DDX39A: variants seen among roughly 807,000 people sequenced by gnomAD.
The protein encoded by DDX39A is ATP-dependent RNA helicase DDX39A.
DDX39A carries 13 observed loss-of-function variants against 46.3 expected under a neutral mutation model. That is an observed-to-expected ratio of 0.28 (90% CI 0.18 to 0.45). The LOEUF (loss-of-function observed/expected upper bound fraction) is 0.45, where lower values mean the gene tolerates loss of function less well. Among genes scored for constraint, DDX39A ranks in the 20% least tolerant of loss-of-function variants. The pLI, the probability that DDX39A is intolerant of heterozygous loss-of-function variation, is 1.00. For synonymous variants in DDX39A, 234 were observed against 224.6 expected (o/e 1.04, Z -0.38); for missense variants, 352 against 581.8 (o/e 0.61, Z 4.06).
chr19:14,418,856 C>T (rs1008084282), intron 1 of DDX39A: 5 of 454,762 alleles, frequency 1.1e-5, no homozygotes, highest in Non-Finnish European at 2.2e-5. Context: ...GATCAAGTCC[C>T]TCGGACCCAA....
chr19:14,410,393 CCCAGA>C lies in DDX39A; in HGVS notation c.614-64_614-60del, dbSNP rs1171424162. On this transcript the variant is annotated intron_variant, in intron 5 of 10. Transcript: ENST00000242776. This position sits in a 1 kb window ranked among gnomAD's most constrained non-coding sequence, Gnocchi z 4.3. ...AGCGTCTGCCATGCAGGACCCCCAC[CCCAGA>C]CCAGACCCAGACCCCTCCCAACCTG... 7 of 1,474,282 alleles carry C rather than the reference CCCAGA, an allele frequency of 4.7e-6. No homozygotes were observed. The East Asian group carries it at 1.6e-4, about 33-fold the overall frequency. The allele number at this position is 1,474,282 out of a possible 1,614,324, so 91.3% of individuals were successfully genotyped here.
intron 1 of DDX39A, among the ~76,000 whole-genome samples, chr19:14,413,665 G>A (rs1976684993): frequency 6.6e-6 from 1 of 152,124 alleles, no homozygotes. Flanking sequence ...TTCTCCACAC[G>A]CAAGCCTCAG....
intron 1 of DDX39A, among the ~76,000 whole-genome samples, chr19:14,418,643 G>A (rs769637003): frequency 7.2e-5 from 11 of 151,782 alleles, no homozygotes; most frequent in Non-Finnish European, 1.3e-4. Context: ...TGTATTTTGA[G>A]TAGAGACGAG....
In DDX39A at chr19:14,412,421, TG is replaced by T; in HGVS notation, c.336+129del. 1 of 1,330,898 alleles carries T rather than the reference TG, an allele frequency of 7.5e-7. No homozygotes were observed. Among genetic ancestry groups the T allele is most frequent in the Non-Finnish European group, 1.0e-6 (1 of 977,604 alleles). The allele number at this position is 1,330,898 out of a possible 1,614,324, so 82.4% of individuals were successfully genotyped here. A position where few individuals can be genotyped will look rare whatever the true frequency, so the allele number is the denominator to read the frequency against. On this transcript the variant is annotated intron_variant, in intron 3 of 10. Transcript: ENST00000242776. This position sits in a 1 kb window ranked among gnomAD's most constrained non-coding sequence, Gnocchi z 4.4. ...ATAGCACACTGCAGCCTCGACTTCC[TG>T]GGCTCAAGCAATCCTCCAGCCTCAG...
intron 1 of DDX39A, chr19:14,418,844 G>C (rs1201494792): frequency 2.2e-6 from 1 of 448,218 alleles, no homozygotes; most frequent in Admixed American, 2.5e-5. Flanking sequence ...GACTGGGAAA[G>C]GGATCAAGTC....
At position 14,412,729 on chromosome 19, in the gene DDX39A, C is replaced by G. The variant is rs755791627; in HGVS notation, c.209-51G>C. On this transcript the variant is annotated intron_variant, in intron 2 of 10. Coordinates refer to ENST00000242776, the MANE Select transcript of DDX39A (RefSeq NM_005804.4). The surrounding 1 kb of genome is among the most constrained non-coding windows in gnomAD (Gnocchi z 4.4). ...ACGAGAACCTGGATGCACCCCCGTG[C>G]AGGATCCTCACCAGTTGACCGGGGG... 1 of 1,562,700 alleles carries G rather than the reference C, an allele frequency of 6.4e-7. No homozygotes were observed. Among genetic ancestry groups the G allele is most frequent in the Non-Finnish European group, 8.6e-7 (1 of 1,158,552 alleles).
intron 1 of DDX39A, among the ~76,000 whole-genome samples, chr19:14,414,291 G>A (rs1976711756): frequency 6.6e-6 from 1 of 151,328 alleles, no homozygotes; most frequent in Non-Finnish European, 1.5e-5. Context: ...TCTCACCTAT[G>A]CTACCATGCT....
At chr19:14,414,627 G>C (rs1278307757) in intron 1 of DDX39A, among the ~76,000 whole-genome samples, 3 of 148,912 alleles carry the variant, frequency 2.0e-5, no homozygotes, top group African/African-American at 7.3e-5. Context: ...GGGATTACAG[G>C]TGTGAGCCAC....
chr19:14,409,403 A>G lies in DDX39A; in HGVS notation c.1019T>C (p.Leu340Pro). 1 of 1,614,226 alleles carries G rather than the reference A, an allele frequency of 6.2e-7. No homozygotes were observed. Among genetic ancestry groups the G allele is most frequent in the Non-Finnish European group, 8.5e-7 (1 of 1,180,034 alleles). Residue 340 changes from leucine to proline, a missense_variant, in exon 9 of 11, where the codon CTG becomes CCG. Around this residue, in one of 3 missense-constraint regions of DDX39A, gnomAD observed 301 missense variants for 469.9 expected, o/e 0.64. Coordinates refer to ENST00000242776, the MANE Select transcript of DDX39A (RefSeq NM_005804.4). This position sits in a 1 kb window ranked among gnomAD's most constrained non-coding sequence, Gnocchi z 8.3. ...QQFKDFQRRI[L>P]VATNLFGRGM... Reference sequence around the variant, plus strand: ...CCGGCCAAACAGATTGGTGGCCACCAGGATCCGCCGCTGGAAATCCTTGAA... The same window carrying G: ...CCGGCCAAACAGATTGGTGGCCACCGGGATCCGCCGCTGGAAATCCTTGAA...
At position 14,410,465 on chromosome 19, in the gene DDX39A, C is replaced by T. The variant is rs186640835; in HGVS notation, c.614-131G>A. ...GCACCGTGACGAGGGCAGAGTGAGCCGCGGGAGTGGCCAGTCCTGGTGCCT... is the reference window on the plus strand; with the variant it reads ...GCACCGTGACGAGGGCAGAGTGAGCTGCGGGAGTGGCCAGTCCTGGTGCCT... On this transcript the variant is annotated intron_variant, in intron 5 of 10. Coordinates refer to ENST00000242776, the MANE Select transcript of DDX39A (RefSeq NM_005804.4). The surrounding 1 kb of genome is among the most constrained non-coding windows in gnomAD (Gnocchi z 4.3). 3.9e-5 allele frequency: 31 copies of T among 786,848 alleles called. 1 individual carries two copies. The highest frequency in any genetic ancestry group is 6.7e-5 in the African/African-American group (4 of 59,564). The allele number at this position is 786,848 out of a possible 1,614,324, so 48.7% of individuals were successfully genotyped here. A position where few individuals can be genotyped will look rare whatever the true frequency, so the allele number is the denominator to read the frequency against.
intron 1 of DDX39A, among the ~76,000 whole-genome samples, chr19:14,413,727 A>C (rs968760295): frequency 2.6e-5 from 4 of 151,512 alleles, no homozygotes; most frequent in African/African-American, 9.7e-5. Context: ...CCTCCCTATC[A>C]CTCCCCAAGG....
intron 1 of DDX39A, among the ~76,000 whole-genome samples, chr19:14,414,936 TAA>T (rs1006829482): frequency 5.2e-4 from 38 of 72,786 alleles, no homozygotes; most frequent in Middle Eastern, 0.011. Context: ...CACTCCAGCC[TAA>T]AAAAAAAAAA....
rs1263590657 is a variant in DDX39A at position 14,410,531 on chromosome 19, A to G, written c.614-197T>C. 5.0e-6 allele frequency: 3 copies of G among 600,236 alleles called. No homozygotes were observed. The East Asian group carries it at 8.5e-5, about 17-fold the overall frequency. 37.2% of individuals were successfully genotyped at this position (600,236 alleles called of 1,614,324 possible). ...GGCCAGCGAGCGCAGGCGCGGGAGG[A>G]GCTGCAATCCACTTACACGCTGGCG... is the stretch of plus-strand genomic sequence containing the variant. On this transcript the variant is annotated intron_variant, in intron 5 of 10. Transcript: ENST00000242776. This position sits in a 1 kb window ranked among gnomAD's most constrained non-coding sequence, Gnocchi z 4.3.
In DDX39A at chr19:14,411,217, A is replaced by C; in HGVS notation, c.430-45T>G. 6.5e-7 allele frequency: 1 copy of C among 1,531,496 alleles called. No homozygotes were observed. Among genetic ancestry groups the C allele is most frequent in the Non-Finnish European group, 8.8e-7 (1 of 1,139,544 alleles). 94.9% of individuals were successfully genotyped at this position (1,531,496 alleles called of 1,614,324 possible). A position where few individuals can be genotyped will look rare whatever the true frequency, so the allele number is the denominator to read the frequency against. On this transcript the variant is annotated intron_variant, in intron 4 of 10. Coordinates refer to ENST00000242776, the MANE Select transcript of DDX39A (RefSeq NM_005804.4). This position sits in a 1 kb window ranked among gnomAD's most constrained non-coding sequence, Gnocchi z 4.1. ...ACCGCTCCATGCTGATACACGGCCC[A>C]AGGCCCCAACCTGCACGGCCCAGCA...
rs1318829629 is a variant in DDX39A at position 14,410,450 on chromosome 19, G to A, written c.614-116C>T. 24 of 915,832 alleles carry A rather than the reference G, an allele frequency of 2.6e-5. No individual in the cohort carries two copies. The highest frequency in any genetic ancestry group is 3.8e-5 in the Non-Finnish European group (22 of 573,616). 56.7% of individuals were successfully genotyped at this position (915,832 alleles called of 1,614,324 possible). A position where few individuals can be genotyped will look rare whatever the true frequency, so the allele number is the denominator to read the frequency against. On this transcript the variant is annotated intron_variant, in intron 5 of 10. Transcript: ENST00000242776. The surrounding 1 kb of genome is among the most constrained non-coding windows in gnomAD (Gnocchi z 4.3). ...GCCAGGGAGCCAGTGGCACCGTGACGAGGGCAGAGTGAGCCGCGGGAGTGG... is the reference window on the plus strand; with the variant it reads ...GCCAGGGAGCCAGTGGCACCGTGACAAGGGCAGAGTGAGCCGCGGGAGTGG...
chr19:14,416,092 G>C (rs1239153610), intron 1 of DDX39A: 1 of 151,938 alleles, frequency 6.6e-6, no homozygotes, highest in African/African-American at 2.4e-5. Context: ...ACAAACCTAA[G>C]AGTACATCAC....
intron 1 of DDX39A, chr19:14,418,824 G>A (rs1314212604): frequency 4.6e-6 from 2 of 432,298 alleles, no homozygotes; most frequent in African/African-American, 4.1e-5. Flanking sequence ...AGTAGACCAA[G>A]AAGAAGGTAG....
intron 1 of DDX39A, among the ~76,000 whole-genome samples, chr19:14,418,750 G>A (rs1199794526): frequency 6.6e-6 from 1 of 152,008 alleles, no homozygotes. Flanking sequence ...AAGAGCCACC[G>A]CGCCCGGCCT....
chr19:14,408,809 G>T lies in DDX39A; in HGVS notation c.*127C>A. On this transcript the variant is annotated 3_prime_UTR_variant, in exon 11 of 11. Coordinates refer to ENST00000242776, the MANE Select transcript of DDX39A (RefSeq NM_005804.4). ...AGATGACCAAGAAATAGATGGGGTG[G>T]GAGCCAGGCTTCCATAATAACAAGT... 1 of 1,375,398 alleles carries T rather than the reference G, an allele frequency of 7.3e-7. No individual in the cohort carries two copies. 85.2% of individuals were successfully genotyped at this position (1,375,398 alleles called of 1,614,324 possible).
Sources: gnomAD v4.1 joint callset for allele counts (sites outside exome capture counted in the v4.1 genomes callset) on GRCh38, gnomAD v4.1.1 for gene constraint, gnomAD v4.1.1 regional missense constraint, Gnocchi (gnomAD v3.1) non-coding constraint, MANE v1.5 for transcripts, NCBI Gene and HGNC (gene_info 2026-07-23, HGNC 2026-07-21) for gene names.